Variants in SCAF1 observed in about 807,000 individuals in gnomAD.
SCAF1 encodes SR-related CTD associated factor 1.
Under a neutral mutation model 91.2 loss-of-function variants are expected in SCAF1, and 28 were observed. That is an observed-to-expected ratio of 0.31 (90% CI 0.23 to 0.42). SCAF1 has a LOEUF of 0.42. Among genes scored for constraint, SCAF1 ranks in the 10% least tolerant of loss-of-function variants. The pLI is 1.00. For missense variants in SCAF1, 1,893 were observed against 1,872.1 expected, an observed-to-expected ratio of 1.01 and a Z score of -0.21; for synonymous variants, 1,036 against 833.7, an observed-to-expected ratio of 1.24 and a Z score of -4.18.
chr19:49,658,301 G>A lies in SCAF1; in HGVS notation c.3841G>A (p.Gly1281Ser), dbSNP rs1214969396. ...GCGCTACCGCTACTTCCGCAAGCAC[G>A]GTCGCAAGCCAGGGGACCCCCCAGG... ...VQRYRYFRKH[G>S]RKPGDPPGPP... Residue 1281 changes from glycine to serine, a missense_variant, in exon 11 of 11, where the codon GGT becomes AGT. Coordinates refer to ENST00000360565, the MANE Select transcript of SCAF1 (RefSeq NM_021228.3). 1.2e-6 allele frequency: 2 copies of A among 1,610,238 alleles called. No homozygotes were observed. The highest frequency in any genetic ancestry group is 1.3e-5 in the African/African-American group (1 of 74,954).
Position 49,653,238 on chromosome 19 carries a change from G to A in SCAF1, c.2849G>A (p.Cys950Tyr), listed in dbSNP as rs368698124. 5.3e-6 allele frequency: 8 copies of A among 1,497,560 alleles called. No homozygotes were observed. The Admixed American group carries it at 9.4e-5, about 18-fold the overall frequency. The allele number at this position is 1,497,560 out of a possible 1,614,324, so 92.8% of individuals were successfully genotyped here. A position where few individuals can be genotyped will look rare whatever the true frequency, so the allele number is the denominator to read the frequency against. Residue 950 changes from cysteine to tyrosine, a missense_variant, in exon 7 of 11, where the codon TGC becomes TAC. Transcript: ENST00000360565. Reference protein sequence around the residue: ...VSLKKSKADSCSQAAGTKGAE... With the variant: ...VSLKKSKADSYSQAAGTKGAE... The stretch of plus-strand genomic sequence containing the variant: ...CTGAAGAAGTCCAAGGCGGATAGCT[G>A]CAGCCAGGCGGCAGGCACCAAGGGG...
At chr19:49,654,476 C>T in intron 8 of SCAF1, 45 bp downstream of exon 8, 1 of 1,577,546 alleles carries the variant, frequency 6.3e-7, no homozygotes. Context: ...TTCTTTTGTC[C>T]ATTGCCTCGG....
In SCAF1 at chr19:49,653,031, A is replaced by C. The variant is rs758953252; in HGVS notation, c.2642A>C (p.Glu881Ala). ...CGCTCCCCCTTCCTCAAACCTGACG[A>C]GCGGGCCCCCACTGAGATGGCCAAA... The part of the protein sequence containing the change: ...ESRSPFLKPD[E>A]RAPTEMAKAA... Residue 881 changes from glutamate to alanine, a missense_variant, in exon 7 of 11, where the codon GAG becomes GCG. Around this residue, in one of 5 missense-constraint regions of SCAF1, gnomAD observed 1,436 missense variants for 1,306.8 expected, o/e 1.10. Transcript: ENST00000360565. 1.2e-6 allele frequency: 2 copies of C among 1,613,900 alleles called. No homozygotes were observed. The highest frequency in any genetic ancestry group is 1.7e-6 in the Non-Finnish European group (2 of 1,180,042).
Position 49,645,744 on chromosome 19 carries a change from T to A in SCAF1, c.166+333T>A, listed in dbSNP as rs1599820273. Among the ~76,000 whole-genome samples the A allele has an allele frequency of 6.6e-6, 1 of 152,152 alleles. No individual in the cohort carries two copies. Among genetic ancestry groups the A allele is most frequent in the African/African-American group, 2.4e-5 (1 of 41,448 alleles). On this transcript the variant is annotated intron_variant, in intron 3 of 10. Coordinates refer to ENST00000360565, the MANE Select transcript of SCAF1 (RefSeq NM_021228.3). The surrounding 1 kb of genome is among the most constrained non-coding windows in gnomAD (Gnocchi z 4.6). Reference sequence around the variant, plus strand: ...AGGATTAGAGGGAAGCCTGATCAGCTGCAGCAGGCCTACAGCACGGGTGCA... The same window carrying A: ...AGGATTAGAGGGAAGCCTGATCAGCAGCAGCAGGCCTACAGCACGGGTGCA...
chr19:49,647,501 T>G (rs1265785856), intron 6 of SCAF1, among the ~76,000 whole-genome samples: 2 of 152,148 alleles, frequency 1.3e-5, no homozygotes, highest in Non-Finnish European at 1.5e-5. Context: ...GTTTAGGCCT[T>G]CCTTCTACGT....
Position 49,652,407 on chromosome 19 carries a change from C to T in SCAF1, c.2018C>T (p.Thr673Ile), listed in dbSNP as rs1185939262. The change falls in exon 7 of 11, where the codon ACC becomes ATC. Residue 673 changes from threonine (T) to isoleucine (I), a missense_variant. By Grantham distance (89) the Thr-to-Ile change is moderately conservative (BLOSUM62 -1). This residue lies in a region of SCAF1 where 1,436 missense variants were observed against 1,306.8 expected (regional missense o/e 1.10). Transcript: ENST00000360565. ...PAPAPPPSGS[T>I]SCGDRDSRRR... ...CCCGCCCCGCCGCCCTCTGGCTCCACCTCGTGTGGTGACCGCGACAGCCGC... is the reference window on the plus strand; with the variant it reads ...CCCGCCCCGCCGCCCTCTGGCTCCATCTCGTGTGGTGACCGCGACAGCCGC... 1.6e-5 allele frequency: 26 copies of T among 1,591,588 alleles called. No individual in the cohort carries two copies. Among genetic ancestry groups the T allele is most frequent in the Non-Finnish European group, 2.2e-5 (26 of 1,173,126 alleles).
intron 7 of SCAF1, 76 bp downstream of exon 7, chr19:49,653,781 CA>C: frequency 7.5e-7 from 1 of 1,342,040 alleles, no homozygotes; most frequent in Non-Finnish European, 9.8e-7. Flanking sequence ...GACTTAGAGG[CA>C]GTGGGGTGCC....
intron 6 of SCAF1, 114 bp from the exon 7 acceptor site, chr19:49,650,754 G>C: frequency 1.3e-6 from 1 of 745,252 alleles, no homozygotes; most frequent in Non-Finnish European, 2.2e-6. Flanking sequence ...GAAGCACTTG[G>C]GGCTTCCTGG....
Position 49,652,222 on chromosome 19 carries a change from C to T in SCAF1, c.1833C>T (p.Arg611=). The change falls in exon 7 of 11, where the codon CGC becomes CGT. Residue 611 remains arginine, a synonymous_variant. Transcript: ENST00000360565. ...GGGAGAAGCGGCGACGGCGGCGGCG[C>T]TCCGCCTCCCCGCCCCCGGCCACTT... ...RSREKRRRRR[R]SASPPPATSS... 2.2e-6 allele frequency: 3 copies of T among 1,348,056 alleles called. No individual in the cohort carries two copies. Among genetic ancestry groups the T allele is most frequent in the South Asian group, 1.7e-5 (1 of 57,450 alleles). The allele number at this position is 1,348,056 out of a possible 1,614,324, so 83.5% of individuals were successfully genotyped here.
rs971981346 is a variant in SCAF1, at chr19:49,651,633, G to C, written c.1244G>C (p.Arg415Pro). 1.1e-5 allele frequency: 16 copies of C among 1,445,400 alleles called. No individual in the cohort carries two copies. Among genetic ancestry groups the C allele is most frequent in the Non-Finnish European group, 1.4e-5 (16 of 1,105,010 alleles). 89.5% of individuals were successfully genotyped at this position (1,445,400 alleles called of 1,614,324 possible). A position where few individuals can be genotyped will look rare whatever the true frequency, so the allele number is the denominator to read the frequency against. The change falls in exon 7 of 11, where the codon CGG (arginine) becomes CCG (proline). Residue 415 changes from arginine to proline, a missense_variant. This residue lies in a region of SCAF1 where 1,436 missense variants were observed against 1,306.8 expected (regional missense o/e 1.10). Transcript: ENST00000360565. ...CTGTCCCTCTTCCGCCCCGGCGGCC[G>C]GGCCGCCCGGCCTACACCGGCCGCC... is the stretch of plus-strand genomic sequence containing the variant. ...LALSLFRPGG[R>P]AARPTPAASA... is the part of the protein sequence containing the mutation.
rs771949736 is a variant in SCAF1 at position 49,654,820 on chromosome 19, G to C, written c.3568G>C (p.Asp1190His). 6.2e-7 allele frequency: 1 copy of C among 1,612,058 alleles called. No homozygotes were observed. The change falls in exon 9 of 11, where the codon GAC becomes CAC. Residue 1190 changes from aspartate to histidine, a missense_variant. Coordinates refer to ENST00000360565, the MANE Select transcript of SCAF1 (RefSeq NM_021228.3). ...PTPTGLAATSDKREGSSSSEG... is the reference protein window; with the variant it reads ...PTPTGLAATSHKREGSSSSEG... ...CCCCACCGGGCTGGCTGCCACGTCT[G>C]ACAAGAGAGAGGGCAGCAGCAGCTC...
At chr19:49,654,244 T>C in intron 7 of SCAF1, 105 bp from the exon 8 acceptor site, 1 of 963,780 alleles carries the variant, frequency 1.0e-6, no homozygotes, top group South Asian at 1.5e-5. Flanking sequence ...GTGGCTGTTC[T>C]GGGGCCAAGG....
intron 6 of SCAF1, among the ~76,000 whole-genome samples, chr19:49,648,804 C>T (rs1172352076): frequency 6.6e-6 from 1 of 151,736 alleles, no homozygotes; most frequent in Non-Finnish European, 1.5e-5. Context: ...AACCCTGTCT[C>T]CATTAAAAAT....
chr19:49,642,177 CT>C (rs1025487368), upstream of SCAF1: 2 of 152,202 alleles, frequency 1.3e-5, no homozygotes, highest in Admixed American at 1.3e-4. The surrounding 1 kb of genome is among the most constrained non-coding windows in gnomAD (Gnocchi z 4.0). Flanking sequence ...TCCTCCTTTG[CT>C]CACGAACCCC....
rs1275421827 is a variant in SCAF1, at chr19:49,653,331, C to G, written c.2942C>G (p.Ala981Gly). 1.7e-5 allele frequency: 25 copies of G among 1,467,962 alleles called. No homozygotes were observed. The highest frequency in any genetic ancestry group is 2.3e-5 in the Non-Finnish European group (25 of 1,107,966). 90.9% of individuals were successfully genotyped at this position (1,467,962 alleles called of 1,614,324 possible). ...AKVPSTPPPK[A>G]APPPPALTPD... is the part of the protein sequence containing the mutation. ...GTTCCTAGCACCCCGCCCCCCAAGG[C>G]AGCCCCACCACCCCCTGCCCTCACT... The change falls in exon 7 of 11, where the codon GCA becomes GGA. Residue 981 changes from alanine (A) to glycine (G), a missense_variant. Physicochemically the swap from Ala to Gly is moderately conservative, Grantham distance 60 (BLOSUM62 0). This residue lies in a region of SCAF1 where 1,436 missense variants were observed against 1,306.8 expected (regional missense o/e 1.10). Transcript: ENST00000360565.
In SCAF1 at chr19:49,651,928, G is replaced by T; in HGVS notation, c.1539G>T (p.Pro513=). The T allele has an allele frequency of 1.7e-6, 2 of 1,176,636 alleles. No individual in the cohort carries two copies. Among genetic ancestry groups the T allele is most frequent in the Non-Finnish European group, 2.1e-6 (2 of 945,512 alleles). The allele number at this position is 1,176,636 out of a possible 1,614,324, so 72.9% of individuals were successfully genotyped here. ...PAPAPAAAAG[P]PTRKKSRRER... is the part of the protein sequence containing the mutation. Reference sequence around the variant, plus strand: ...CCGCCCCGGCCGCCGCTGCTGGTCCGCCCACGCGCAAGAAGTCCAGGCGGG... The same window carrying T: ...CCGCCCCGGCCGCCGCTGCTGGTCCTCCCACGCGCAAGAAGTCCAGGCGGG... Residue 513 remains proline, a synonymous_variant, in exon 7 of 11, where the codon CCG becomes CCT. Coordinates refer to ENST00000360565, the MANE Select transcript of SCAF1 (RefSeq NM_021228.3).
Position 49,653,527 on chromosome 19 carries a change from G to C in SCAF1, c.3138G>C (p.Thr1046=). ...AGGAGCAGCAGCCTGCTACCACCAC[G>C]GCCACCAGCACTGCTGCAGCCGCCC... ...EEEEQQPATT[T]ATSTAAAAPS... The change falls in exon 7 of 11, where the codon ACG becomes ACC. Residue 1046 remains threonine (T), a synonymous_variant. Transcript: ENST00000360565. 6.3e-7 allele frequency: 1 copy of C among 1,576,898 alleles called. No homozygotes were observed. The highest frequency in any genetic ancestry group is 2.3e-5 in the East Asian group (1 of 44,226).
intron 1 of SCAF1, among the ~76,000 whole-genome samples, chr19:49,643,760 T>A (rs1227943747): frequency 6.6e-6 from 1 of 152,192 alleles, no homozygotes; most frequent in Admixed American, 6.5e-5. Context: ...GGCCAGGAAC[T>A]GGGGCTGAGC....
rs373709530 is a variant in SCAF1 at position 49,651,351 on chromosome 19, G to A, written c.962G>A (p.Arg321His). 1.2e-6 allele frequency: 2 copies of A among 1,607,908 alleles called. No homozygotes were observed. The highest frequency in any genetic ancestry group is 1.3e-5 in the African/African-American group (1 of 74,818). Residue 321 changes from arginine to histidine, a missense_variant, in exon 7 of 11, where the codon CGC becomes CAC. Transcript: ENST00000360565. The part of the protein sequence containing the change: ...SQDFPGDESP[R>H]PDAQPTQPTP... ...GACTTCCCAGGTGACGAGAGCCCCCGCCCGGACGCGCAGCCCACACAGCCG... is the reference window on the plus strand; with the variant it reads ...GACTTCCCAGGTGACGAGAGCCCCCACCCGGACGCGCAGCCCACACAGCCG...
Sources: gnomAD v4.1 joint callset for allele counts (sites outside exome capture counted in the v4.1 genomes callset) on GRCh38, gnomAD v4.1.1 for gene constraint, gnomAD v4.1.1 regional missense constraint, Gnocchi (gnomAD v3.1) non-coding constraint, MANE v1.5 for transcripts, NCBI Gene and HGNC (gene_info 2026-07-23, HGNC 2026-07-21) for gene names.